DNM3: variants seen among roughly 807,000 people sequenced by gnomAD.
DNM3 encodes dynamin 3.
DNM3 carries 47 observed loss-of-function variants against 101.6 expected under a neutral mutation model. The ratio of observed to expected loss-of-function variants is 0.46; its 90% CI spans 0.37 to 0.59. The LOEUF is 0.59. DNM3 is among the 20% of genes least tolerant of loss of function. The probability of loss-of-function intolerance (pLI) is 0.00; values close to 1 mark genes in which losing one functional copy is unlikely to be tolerated. For synonymous variants in DNM3, 385 were observed against 387.9 expected, an observed-to-expected ratio of 0.99 and a Z score of 0.09; for missense variants, 849 against 1,085.7, an observed-to-expected ratio of 0.78 and a Z score of 3.06.
At chr1:172,336,513 T>C (rs971490537) in intron 17 of DNM3, among the ~76,000 whole-genome samples, 5 of 149,242 alleles carry the variant, frequency 3.4e-5, no homozygotes, top group African/African-American at 1.2e-4. Flanking sequence ...ATATAAATTT[T>C]ATAATTTATA....
intron 1 of DNM3, among the ~76,000 whole-genome samples, chr1:171,905,168 C>T (rs567325534): frequency 1.3e-5 from 2 of 152,302 alleles, no homozygotes; most frequent in Non-Finnish European, 2.9e-5. Flanking sequence ...TGCGTACATT[C>T]ATTCATATAC....
chr1:172,362,720 C>A lies in DNM3; in HGVS notation c.1894-16298C>A, dbSNP rs1360684131. ...CAGTATGACTTATACTTTCTTTCAGCCCCCTTTCCACATTCTGCACCTCAC... is the reference window on the plus strand; with the variant it reads ...CAGTATGACTTATACTTTCTTTCAGACCCCTTTCCACATTCTGCACCTCAC... On this transcript the variant is annotated intron_variant, in intron 17 of 20. Transcript: ENST00000627582. Among the ~76,000 whole-genome samples, 4 of 151,558 alleles carry A rather than the reference C, an allele frequency of 2.6e-5. No homozygotes were observed. The East Asian group carries it at 7.8e-4, about 29-fold the overall frequency.
chr1:171,944,839 T>G, intron 2 of DNM3, among the ~76,000 whole-genome samples: 1 of 149,422 alleles, frequency 6.7e-6, no homozygotes, highest in Non-Finnish European at 1.5e-5. Flanking sequence ...TTTGTTTTCT[T>G]TTTTTTTGGT....
At chr1:172,093,827 A>T in intron 13 of DNM3, 7 of 1,174,804 alleles carry the variant, frequency 6.0e-6, no homozygotes, top group South Asian at 1.5e-5. Flanking sequence ...CTTGCTACTA[A>T]TTTTTTTTAA....
At chr1:171,858,904 A>G (rs138794308) in intron 1 of DNM3, among the ~76,000 whole-genome samples, 18 of 152,298 alleles carry the variant, frequency 1.2e-4, no homozygotes, top group African/African-American at 3.6e-4. Flanking sequence ...ACTGAGTACA[A>G]GTTGTCATCA....
intron 12 of DNM3, among the ~76,000 whole-genome samples, chr1:172,082,260 A>G (rs2053209249): frequency 6.6e-6 from 1 of 152,148 alleles, no homozygotes. Flanking sequence ...ATCAATTTGA[A>G]ATACCACATG....
intron 1 of DNM3, among the ~76,000 whole-genome samples, chr1:171,858,151 T>G (rs1409780708): frequency 6.6e-6 from 1 of 152,124 alleles, no homozygotes; most frequent in Non-Finnish European, 1.5e-5. Flanking sequence ...TTGTATTGAG[T>G]TTTTGCTAAT....
At chr1:172,369,455 G>A (rs2068206516) in intron 17 of DNM3, among the ~76,000 whole-genome samples, 2 of 151,834 alleles carry the variant, frequency 1.3e-5, no homozygotes, top group Non-Finnish European at 2.9e-5. Flanking sequence ...CAATAAATTA[G>A]AAGGAATTTA....
At chr1:172,204,137 T>C (rs1014124994) in intron 14 of DNM3, among the ~76,000 whole-genome samples, 1 of 152,150 alleles carries the variant, frequency 6.6e-6, no homozygotes, top group Non-Finnish European at 1.5e-5. Flanking sequence ...TTCTTCTGTA[T>C]AATTGAGCCA....
chr1:172,073,118 T>G (rs1434892122), intron 11 of DNM3, among the ~76,000 whole-genome samples: 1 of 151,968 alleles, frequency 6.6e-6, no homozygotes, highest in Non-Finnish European at 1.5e-5. Flanking sequence ...TTGTAGTAAA[T>G]GCCACAAATA....
chr1:171,905,707 T>G (rs2125250002), intron 1 of DNM3, among the ~76,000 whole-genome samples: 1 of 152,284 alleles, frequency 6.6e-6, no homozygotes, highest in South Asian at 2.1e-4. Flanking sequence ...GGAGACAACT[T>G]CTCAATAGAC....
At chr1:172,383,474 A>G (rs2069027169) in intron 18 of DNM3, among the ~76,000 whole-genome samples, 1 of 152,192 alleles carries the variant, frequency 6.6e-6, no homozygotes, top group East Asian at 1.9e-4. Context: ...CCAAAACTAA[A>G]CAAAATTAAA....
intron 4 of DNM3, among the ~76,000 whole-genome samples, chr1:172,012,309 G>A (rs186891730): frequency 1.7e-3 from 258 of 152,162 alleles, no homozygotes; most frequent in Middle Eastern, 3.4e-3. Context: ...AGGAGCACAT[G>A]TGGGAAGTTA....
At chr1:172,044,534 T>G (rs892937313) in intron 9 of DNM3, 82 bp downstream of exon 9, 1 of 1,185,612 alleles carries the variant, frequency 8.4e-7, no homozygotes, top group Non-Finnish European at 1.2e-6. Flanking sequence ...GAAACTCGTC[T>G]TTTCATCATT....
At chr1:172,078,519 G>T (rs538171608) in intron 11 of DNM3, among the ~76,000 whole-genome samples, 23 of 148,718 alleles carry the variant, frequency 1.5e-4, no homozygotes, top group African/African-American at 5.7e-4. Context: ...GTGTGTCTTT[G>T]CATATGAGAT....
intron 4 of DNM3, among the ~76,000 whole-genome samples, chr1:171,990,565 A>T (rs534282661): frequency 7.2e-5 from 11 of 152,182 alleles, no homozygotes; most frequent in African/African-American, 2.6e-4. Flanking sequence ...TGCTTTCATG[A>T]TGGCATTCCT....
chr1:172,153,012 G>C lies in DNM3; in HGVS notation c.1659+21724G>C, dbSNP rs542050154. 1.1e-3 allele frequency among the ~76,000 whole-genome samples: 164 copies of C among 152,240 alleles called. 2 individuals are homozygous for C. Among genetic ancestry groups the C allele is most frequent in the South Asian group, 2.9e-3 (14 of 4,814 alleles). The stretch of plus-strand genomic sequence containing the variant: ...TTTAGTGTTTGTACAGATTTAATTA[G>C]TTATATTTACTTTCAAAATTTCATC... On this transcript the variant is annotated intron_variant, in intron 14 of 20. Transcript: ENST00000627582.
At chr1:172,124,141 T>A (rs1440423991) in intron 13 of DNM3, among the ~76,000 whole-genome samples, 1 of 152,212 alleles carries the variant, frequency 6.6e-6, no homozygotes, top group African/African-American at 2.4e-5. Context: ...TAATATACAT[T>A]AATAATAAAA....
intron 14 of DNM3, among the ~76,000 whole-genome samples, chr1:172,241,777 A>C (rs1270531186): frequency 6.6e-6 from 1 of 152,148 alleles, no homozygotes; most frequent in Admixed American, 6.6e-5. Flanking sequence ...AACAGGTGCC[A>C]CACACTCTGC....
Sources: gnomAD v4.1 joint callset for allele counts (sites outside exome capture counted in the v4.1 genomes callset) on GRCh38, gnomAD v4.1.1 for gene constraint, MANE v1.5 for transcripts, NCBI Gene and HGNC (gene_info 2026-07-23, HGNC 2026-07-21) for gene names.